The following SPTLC1 variants were observed in gnomAD, a reference collection of about 807,000 sequenced individuals.
The protein encoded by SPTLC1 is serine palmitoyltransferase long chain base subunit 1, also known as serine palmitoyltransferase 1.
SPTLC1 carries 55 observed loss-of-function variants against 68.9 expected under a neutral mutation model. That is an observed-to-expected ratio of 0.80 (90% CI 0.64 to 1.00). SPTLC1 has a LOEUF of 1.00. SPTLC1 is among the 50% of genes least tolerant of loss of function. The pLI, the probability that SPTLC1 is intolerant of heterozygous loss-of-function variation, is 0.00. For missense variants in SPTLC1, 449 were observed against 573.1 expected (o/e 0.78, Z 2.21); for synonymous variants, 197 against 201.6 (o/e 0.98, Z 0.19).
intron 3 of SPTLC1, among the ~76,000 whole-genome samples, 163 bp from the exon 4 acceptor site, chr9:92,081,126 TTAAAAA>T (rs1242484063): frequency 6.6e-6 from 1 of 152,180 alleles, no homozygotes; most frequent in East Asian, 1.9e-4. Flanking sequence ...GCATGGTACA[TTAAAAA>T]TAAGATATTT....
intron 5 of SPTLC1, among the ~76,000 whole-genome samples, chr9:92,075,103 C>G (rs1390652862): frequency 6.6e-6 from 1 of 152,234 alleles, no homozygotes; most frequent in East Asian, 1.9e-4. Context: ...GCCCCTCTTA[C>G]CAATCCTCCC....
At chr9:92,114,380 T>G (rs1347125078) in intron 1 of SPTLC1, among the ~76,000 whole-genome samples, 2 of 152,196 alleles carry the variant, frequency 1.3e-5, no homozygotes, top group African/African-American at 4.8e-5. Flanking sequence ...GACATTCTGG[T>G]TTCTTATTAT....
intron 3 of SPTLC1, among the ~76,000 whole-genome samples, chr9:92,086,096 T>C (rs1835115337): frequency 6.6e-6 from 1 of 151,872 alleles, no homozygotes; most frequent in Non-Finnish European, 1.5e-5. Context: ...ATTTGCTTGG[T>C]AGATCTTCCT....
chr9:92,067,623 G>A (rs12235495), intron 6 of SPTLC1, among the ~76,000 whole-genome samples: 7,676 of 152,282 alleles, frequency 0.05, 512 homozygotes, highest in East Asian at 0.27. Context: ...AATGGGTGAT[G>A]AGACATGGAG....
rs779720696 is a variant in SPTLC1 at position 92,047,752 on chromosome 9, A to T, written c.889-44T>A. The T allele has an allele frequency of 3.5e-6, 5 of 1,416,588 alleles. No individual in the cohort carries two copies. In the African/African-American group the frequency reaches 7.1e-5, roughly 20 times the overall value. 87.8% of individuals were successfully genotyped at this position (1,416,588 alleles called of 1,614,324 possible). A position where few individuals can be genotyped will look rare whatever the true frequency, so the allele number is the denominator to read the frequency against. On this transcript the variant is annotated intron_variant, in intron 9 of 14. Transcript: ENST00000262554. ...TGACAGTTATTCCACAGTTTAAAGAAAAAAAAGGCCAACTTCAAGCCTAGA... is the reference window on the plus strand; with the variant it reads ...TGACAGTTATTCCACAGTTTAAAGATAAAAAAGGCCAACTTCAAGCCTAGA...
At chr9:92,074,322 A>T (rs1834600514) in intron 5 of SPTLC1, among the ~76,000 whole-genome samples, 1 of 150,302 alleles carries the variant, frequency 6.7e-6, no homozygotes, top group South Asian at 2.1e-4. Flanking sequence ...ATCAGGCAAC[A>T]CTCCTTTATG....
chr9:92,031,643 G>A lies in SPTLC1; in HGVS notation c.*822C>T, dbSNP rs527344506. On this transcript the variant is annotated 3_prime_UTR_variant, in exon 15 of 15. Coordinates refer to ENST00000262554, the MANE Select transcript of SPTLC1 (RefSeq NM_006415.4). ...CCATACAAAAAAGGAATACATTTGAGATATTCTAAAATATAAAGGATATGA... is the reference window on the plus strand; with the variant it reads ...CCATACAAAAAAGGAATACATTTGAAATATTCTAAAATATAAAGGATATGA... 2.6e-5 allele frequency: 4 copies of A among 152,332 alleles called. No homozygotes were observed. The highest frequency in any genetic ancestry group is 5.9e-5 in the Non-Finnish European group (4 of 67,980). 9.4% of individuals were successfully genotyped at this position (152,332 alleles called of 1,614,324 possible).
rs773269599 is a variant in SPTLC1 at position 92,032,407 on chromosome 9, G to A, written c.*58C>T. The A allele has an allele frequency of 2.5e-6, 4 of 1,613,400 alleles. No homozygotes were observed. Among genetic ancestry groups the A allele is most frequent in the Non-Finnish European group, 2.5e-6 (3 of 1,179,878 alleles). On this transcript the variant is annotated 3_prime_UTR_variant, in exon 15 of 15. Coordinates refer to ENST00000262554, the MANE Select transcript of SPTLC1 (RefSeq NM_006415.4). ...TTTCAGGCCACTCCATGGCCAGCGG[G>A]AGTCTTGAGTCCTCTCTGCGTGTTG...
At chr9:92,056,787 T>C (rs913014571) in intron 7 of SPTLC1, among the ~76,000 whole-genome samples, 2 of 151,780 alleles carry the variant, frequency 1.3e-5, no homozygotes, top group African/African-American at 4.9e-5. Context: ...CCCACAGCAG[T>C]AGCACTAAAA....
At chr9:92,069,640 A>T (rs1322879591) in intron 5 of SPTLC1, among the ~76,000 whole-genome samples, 1 of 152,094 alleles carries the variant, frequency 6.6e-6, no homozygotes, top group African/African-American at 2.4e-5. Context: ...AGCATGGGTT[A>T]CTCTTGGGTA....
chr9:92,056,189 A>C (rs999983107), intron 7 of SPTLC1, among the ~76,000 whole-genome samples: 1 of 152,164 alleles, frequency 6.6e-6, no homozygotes, highest in African/African-American at 2.4e-5. Flanking sequence ...AAATTTGACT[A>C]TGAGCTTGTC....
At chr9:92,086,000 C>T (rs542858280) in intron 3 of SPTLC1, among the ~76,000 whole-genome samples, 2 of 151,978 alleles carry the variant, frequency 1.3e-5, no homozygotes, top group East Asian at 3.9e-4. Context: ...TATGTAATGG[C>T]CTTCTTTGTC....
intron 3 of SPTLC1, among the ~76,000 whole-genome samples, chr9:92,098,039 G>A (rs761334460): frequency 6.6e-6 from 1 of 152,202 alleles, no homozygotes; most frequent in South Asian, 2.1e-4. Flanking sequence ...ATTGGACTCC[G>A]GTGAAGACTC....
At chr9:92,075,195 A>G (rs1834640028) in intron 5 of SPTLC1, among the ~76,000 whole-genome samples, 2 of 152,138 alleles carry the variant, frequency 1.3e-5, no homozygotes, top group Non-Finnish European at 2.9e-5. Context: ...ATTTCTACTT[A>G]TCTTGGTATA....
intron 3 of SPTLC1, chr9:92,105,012 T>G: frequency 6.6e-7 from 1 of 1,520,592 alleles, no homozygotes; most frequent in Non-Finnish European, 8.8e-7. Flanking sequence ...GGCTGCTCCC[T>G]GTGGCCAGAG....
intron 14 of SPTLC1, among the ~76,000 whole-genome samples, chr9:92,034,412 T>C (rs754379513): frequency 1.3e-5 from 2 of 152,228 alleles, no homozygotes; most frequent in Non-Finnish European, 2.9e-5. Context: ...TGTTGCTGAC[T>C]GAAGGAGCAG....
chr9:92,106,833 AG>A (rs1402347640), intron 3 of SPTLC1, among the ~76,000 whole-genome samples: 9 of 152,078 alleles, frequency 5.9e-5, no homozygotes, highest in African/African-American at 2.2e-4. Context: ...CACACATCCT[AG>A]CCCCACATCT....
At chr9:92,067,912 G>C in intron 6 of SPTLC1, 54 bp downstream of exon 6, 1 of 1,563,352 alleles carries the variant, frequency 6.4e-7, no homozygotes, top group South Asian at 1.1e-5. Context: ...CTCTAAGACA[G>C]TCAGTATTAT....
At chr9:92,086,373 A>C (rs1462069165) in intron 3 of SPTLC1, among the ~76,000 whole-genome samples, 1 of 152,116 alleles carries the variant, frequency 6.6e-6, no homozygotes, top group African/African-American at 2.4e-5. Context: ...TTTTGCAGTG[A>C]CTGGTACCGG....
Sources: gnomAD v4.1 joint callset for allele counts (sites outside exome capture counted in the v4.1 genomes callset) on GRCh38, gnomAD v4.1.1 for gene constraint, MANE v1.5 for transcripts, NCBI Gene and HGNC (gene_info 2026-07-23, HGNC 2026-07-21) for gene names.